Variants in ST6GALNAC5 observed in about 807,000 individuals in gnomAD.
The protein encoded by ST6GALNAC5 is alpha-N-acetylgalactosaminide alpha-2,6-sialyltransferase 5.
A neutral mutation model predicts 33.6 loss-of-function variants in ST6GALNAC5; 27 were observed. The observed-to-expected ratio is 0.80, with a 90% CI of 0.59 to 1.11. ST6GALNAC5 has a LOEUF of 1.11. ST6GALNAC5 is among the 50% of genes least tolerant of loss of function. ST6GALNAC5 has a pLI of 0.00. For synonymous variants in ST6GALNAC5, 194 were observed against 171.2 expected, an observed-to-expected ratio of 1.13 and a Z score of -1.04; for missense variants, 428 against 454.0, an observed-to-expected ratio of 0.94 and a Z score of 0.52.
intron 2 of ST6GALNAC5, among the ~76,000 whole-genome samples, chr1:76,944,785 C>T (rs1252599): frequency 0.56 from 85,525 of 151,832 alleles, 24,308 homozygotes; most frequent in South Asian, 0.61. Context: ...TTCTTTGGAA[C>T]GCACTCTCTT....
chr1:77,037,629 A>G (rs1651694354), intron 2 of ST6GALNAC5, among the ~76,000 whole-genome samples: 1 of 152,238 alleles, frequency 6.6e-6, no homozygotes, highest in African/African-American at 2.4e-5. Context: ...ATAAGAAGCA[A>G]ATAGTAAGAT....
intron 2 of ST6GALNAC5, among the ~76,000 whole-genome samples, chr1:77,020,989 G>A (rs192695077): frequency 2.6e-5 from 4 of 152,278 alleles, no homozygotes; most frequent in Non-Finnish European, 5.9e-5. Context: ...AGAGAGCCAG[G>A]CAGAAGCCAC....
At chr1:76,925,314 T>C (rs1359251605) in intron 2 of ST6GALNAC5, among the ~76,000 whole-genome samples, 5 of 151,978 alleles carry the variant, frequency 3.3e-5, no homozygotes, top group African/African-American at 1.2e-4. Flanking sequence ...CCAAACTGTA[T>C]CACCTGGTTT....
chr1:76,926,483 T>G (rs971474893), intron 2 of ST6GALNAC5, among the ~76,000 whole-genome samples: 13 of 152,174 alleles, frequency 8.5e-5, no homozygotes, highest in South Asian at 2.1e-4. Flanking sequence ...TTCAGAGAGA[T>G]CTTTCTATTA....
At position 76,867,611 on chromosome 1, in the gene ST6GALNAC5, C is replaced by T. The variant is rs1260086115; in HGVS notation, c.-65C>T. On this transcript the variant is annotated 5_prime_UTR_variant, in exon 1 of 5. Transcript: ENST00000477717. ...TCCGCCCCATTACCCATCATGGAAA[C>T]CCTCCAGGAAAAAGTGGCCCCGGAC... 5.6e-6 allele frequency: 9 copies of T among 1,613,606 alleles called. No individual in the cohort carries two copies. The African/African-American group carries it at 1.2e-4, about 22-fold the overall frequency.
At chr1:76,908,972 C>G (rs1646888043) in intron 2 of ST6GALNAC5, among the ~76,000 whole-genome samples, 1 of 152,038 alleles carries the variant, frequency 6.6e-6, no homozygotes, top group East Asian at 1.9e-4. Context: ...TTTGATTTAT[C>G]CTTACTTTAA....
At chr1:77,057,932 C>T (rs560407771) in intron 4 of ST6GALNAC5, among the ~76,000 whole-genome samples, 4 of 152,142 alleles carry the variant, frequency 2.6e-5, no homozygotes, top group Admixed American at 6.5e-5. Context: ...CCATTAGCAC[C>T]GATGGGCAGA....
intron 2 of ST6GALNAC5, among the ~76,000 whole-genome samples, chr1:76,979,035 G>GA (rs1452000776): frequency 2.0e-5 from 3 of 151,450 alleles, no homozygotes; most frequent in Middle Eastern, 3.2e-3. Flanking sequence ...AATAGCTAAA[G>GA]AAAAAAACCT....
chr1:76,935,718 C>T (rs1647195155), intron 2 of ST6GALNAC5, among the ~76,000 whole-genome samples: 1 of 151,914 alleles, frequency 6.6e-6, no homozygotes, highest in African/African-American at 2.4e-5. Flanking sequence ...TTGGCCCTAG[C>T]ATTTATAGAA....
chr1:76,976,459 G>A (rs768163009), intron 2 of ST6GALNAC5, among the ~76,000 whole-genome samples: 1 of 151,922 alleles, frequency 6.6e-6, no homozygotes, highest in African/African-American at 2.4e-5. Flanking sequence ...TCCATTATTT[G>A]TCTTGGCTCA....
chr1:76,878,826 T>C (rs1343981399), intron 2 of ST6GALNAC5, among the ~76,000 whole-genome samples: 1 of 152,188 alleles, frequency 6.6e-6, no homozygotes, highest in African/African-American at 2.4e-5. Flanking sequence ...ATTTCACTTC[T>C]AGGAACACCA....
intron 2 of ST6GALNAC5, among the ~76,000 whole-genome samples, chr1:76,930,890 C>A (rs905342714): frequency 6.6e-6 from 1 of 152,148 alleles, no homozygotes; most frequent in East Asian, 1.9e-4. Flanking sequence ...GGCAGAGACA[C>A]TCTTAAAGTG....
In ST6GALNAC5 at chr1:77,013,539, T is replaced by G. The variant is rs147525937; in HGVS notation, c.262-30665T>G. Reference sequence around the variant, plus strand: ...ACCATCCTCTCCTAACCTGCAGTCATGTTACGATTTGTTTTCTCCTAGTCT... The same window carrying G: ...ACCATCCTCTCCTAACCTGCAGTCAGGTTACGATTTGTTTTCTCCTAGTCT... On this transcript the variant is annotated intron_variant, in intron 2 of 4. Transcript: ENST00000477717. Among the ~76,000 whole-genome samples the G allele has an allele frequency of 5.9e-5, 9 of 152,334 alleles. No individual in the cohort carries two copies. In the South Asian group the frequency reaches 1.2e-3, roughly 21 times the overall value.
intron 2 of ST6GALNAC5, among the ~76,000 whole-genome samples, chr1:77,036,052 A>G (rs1202934466): frequency 6.6e-6 from 1 of 152,238 alleles, no homozygotes; most frequent in East Asian, 1.9e-4. Flanking sequence ...TGGTATGGAC[A>G]AAAATAATCA....
At chr1:76,943,711 T>A (rs1006036524) in intron 2 of ST6GALNAC5, among the ~76,000 whole-genome samples, 39 of 152,228 alleles carry the variant, frequency 2.6e-4, no homozygotes, top group African/African-American at 9.1e-4. Flanking sequence ...TAATTCCCTG[T>A]ATCAGCCATC....
chr1:76,877,447 T>A (rs1015672480), intron 2 of ST6GALNAC5, among the ~76,000 whole-genome samples: 1 of 152,290 alleles, frequency 6.6e-6, no homozygotes, highest in South Asian at 2.1e-4. Context: ...AAATGAGGAA[T>A]GTGTTGCCTC....
intron 2 of ST6GALNAC5, among the ~76,000 whole-genome samples, chr1:77,012,561 C>T (rs1650672256): frequency 6.6e-6 from 1 of 152,130 alleles, no homozygotes; most frequent in South Asian, 2.1e-4. Context: ...ATGTATTCTG[C>T]ACTGACAGGG....
chr1:76,895,476 A>G (rs1466557568), intron 2 of ST6GALNAC5, among the ~76,000 whole-genome samples: 1 of 152,178 alleles, frequency 6.6e-6, no homozygotes, highest in African/African-American at 2.4e-5. Context: ...TGGCCTGGAT[A>G]TGGTTTTGTA....
chr1:76,912,213 G>C (rs1646921464), intron 2 of ST6GALNAC5, among the ~76,000 whole-genome samples: 3 of 152,124 alleles, frequency 2.0e-5, no homozygotes, highest in African/African-American at 7.2e-5. Context: ...AGGTTGTTCA[G>C]TTTCCATGTA....
Sources: gnomAD v4.1 joint callset for allele counts (sites outside exome capture counted in the v4.1 genomes callset) on GRCh38, gnomAD v4.1.1 for gene constraint, MANE v1.5 for transcripts, NCBI Gene and HGNC (gene_info 2026-07-23, HGNC 2026-07-21) for gene names.